The following RORA variants were observed in gnomAD, a reference collection of about 807,000 sequenced individuals.
RORA encodes nuclear receptor ROR-alpha.
RORA carries 7 observed loss-of-function variants against 69.5 expected under a neutral mutation model. The ratio of observed to expected loss-of-function variants is 0.10; its 90% confidence interval spans 0.06 to 0.19. The LOEUF is 0.19. RORA is among the 10% of genes least tolerant of loss of function. RORA has a pLI of 1.00. For synonymous variants in RORA, 261 were observed against 240.8 expected, an observed-to-expected ratio of 1.08 and a Z score of -0.78; for missense variants, 457 against 663.0, an observed-to-expected ratio of 0.69 and a Z score of 3.41.
intron 1 of RORA, among the ~76,000 whole-genome samples, chr15:60,702,639 GTATTAA>G (rs2071000314): frequency 6.6e-6 from 1 of 152,190 alleles, no homozygotes; most frequent in Non-Finnish European, 1.5e-5. Context: ...TTATAAGCCA[GTATTAA>G]TATTAATGTT....
At chr15:61,069,372 G>A (rs1265527286) in intron 1 of RORA, among the ~76,000 whole-genome samples, 1 of 152,126 alleles carries the variant, frequency 6.6e-6, no homozygotes, top group Non-Finnish European at 1.5e-5. Flanking sequence ...TAATAAACAG[G>A]GAGCTATGCC....
chr15:60,821,626 T>C (rs2072894994), intron 1 of RORA, among the ~76,000 whole-genome samples: 1 of 152,220 alleles, frequency 6.6e-6, no homozygotes, highest in Admixed American at 6.5e-5. Context: ...AGCTCTATGA[T>C]GCCAAGGACT....
chr15:61,033,003 G>C (rs1047376956), intron 1 of RORA, among the ~76,000 whole-genome samples: 1 of 152,182 alleles, frequency 6.6e-6, no homozygotes, highest in African/African-American at 2.4e-5. Context: ...AAACAACTCT[G>C]CGAGGTAGGC....
chr15:60,819,743 CCAGACA>C lies in RORA; in HGVS notation c.167-141063_167-141058del, dbSNP rs1479785583. Among the ~76,000 whole-genome samples the C allele has an allele frequency of 1.8e-3, 138 of 74,812 alleles. 1 individual carries two copies. Among genetic ancestry groups the C allele is most frequent in the African/African-American group, 9.5e-3 (134 of 14,176 alleles). 49.1% of individuals were successfully genotyped at this position (74,812 alleles called of 152,430 possible). On this transcript the variant is annotated intron_variant, in intron 1 of 10. Coordinates refer to ENST00000335670, the MANE Select transcript of RORA (RefSeq NM_134261.3). Reference sequence around the variant, plus strand: ...TATCACTCCTGGACTGAAGTCAAACCCAGACACACACACACACACACACACACACAC... The same window carrying C: ...TATCACTCCTGGACTGAAGTCAAACCCACACACACACACACACACACACAC...
intron 2 of RORA, among the ~76,000 whole-genome samples, chr15:60,564,392 C>G (rs1156313508): frequency 3.9e-5 from 6 of 152,094 alleles, no homozygotes; most frequent in Non-Finnish European, 8.8e-5. Context: ...ACATAATGCT[C>G]TTTACATTTG....
At chr15:61,011,366 C>T (rs997146493) in intron 1 of RORA, among the ~76,000 whole-genome samples, 3 of 152,136 alleles carry the variant, frequency 2.0e-5, no homozygotes, top group African/African-American at 7.2e-5. Context: ...TGGGAAGGAA[C>T]TCTAATAATG....
At chr15:61,030,395 G>A (rs1896098787) in intron 1 of RORA, among the ~76,000 whole-genome samples, 1 of 152,210 alleles carries the variant, frequency 6.6e-6, no homozygotes, top group Non-Finnish European at 1.5e-5. Flanking sequence ...ATTGGGGCAT[G>A]AGGTTGGCAA....
intron 2 of RORA, among the ~76,000 whole-genome samples, chr15:60,639,701 G>A (rs1039963825): frequency 6.6e-6 from 1 of 152,206 alleles, no homozygotes; most frequent in Non-Finnish European, 1.5e-5. Flanking sequence ...AGCACCTCAG[G>A]AGGGGAGGCG....
At chr15:60,698,402 A>G (rs943937221) in intron 1 of RORA, among the ~76,000 whole-genome samples, 13 of 152,210 alleles carry the variant, frequency 8.5e-5, no homozygotes, top group African/African-American at 3.1e-4. Flanking sequence ...AAGCACTCCA[A>G]TATCTTTCTT....
intron 2 of RORA, among the ~76,000 whole-genome samples, chr15:60,545,561 A>G (rs1020545989): frequency 2.6e-5 from 4 of 152,178 alleles, no homozygotes; most frequent in East Asian, 1.9e-4. Flanking sequence ...AGAAATATCA[A>G]TCCATTTTAG....
At chr15:60,692,870 T>C (rs1216332470) in intron 1 of RORA, among the ~76,000 whole-genome samples, 1 of 152,170 alleles carries the variant, frequency 6.6e-6, no homozygotes, top group Non-Finnish European at 1.5e-5. Flanking sequence ...CTACCAGAGC[T>C]ACAAAGAGGA....
chr15:60,842,558 G>A (rs1031298234), intron 1 of RORA, among the ~76,000 whole-genome samples: 11 of 152,198 alleles, frequency 7.2e-5, no homozygotes, highest in Non-Finnish European at 1.3e-4. Flanking sequence ...AGATGAAGCA[G>A]CTTCAGAAGG....
chr15:61,078,968 GTCCATA>G (rs2078496316), intron 1 of RORA, among the ~76,000 whole-genome samples: 1 of 152,126 alleles, frequency 6.6e-6, no homozygotes, highest in South Asian at 2.1e-4. Context: ...AAAACCCAGA[GTCCATA>G]TGAATGAATA....
chr15:60,493,643 G>C lies in RORA; in HGVS notation c.*3812C>G, dbSNP rs2065092626. 6.6e-6 allele frequency: 1 copy of C among 150,582 alleles called. No individual in the cohort carries two copies. Among genetic ancestry groups the C allele is most frequent in the Non-Finnish European group, 1.5e-5 (1 of 67,420 alleles). 9.3% of individuals were successfully genotyped at this position (150,582 alleles called of 1,614,324 possible). ...CCATCAAGAAAATAATACAAAGTTT[G>C]TTTGTTTGTATTTTTTTTTTTAGAA... On this transcript the variant is annotated 3_prime_UTR_variant, in exon 11 of 11. Transcript: ENST00000335670.
At chr15:61,062,839 A>G (rs1296560237) in intron 1 of RORA, among the ~76,000 whole-genome samples, 2 of 152,164 alleles carry the variant, frequency 1.3e-5, no homozygotes, top group Non-Finnish European at 2.9e-5. Context: ...GTTCAGGGAC[A>G]TGCTCCCCAG....
At chr15:61,138,270 CTAAT>C (rs778779836) in intron 1 of RORA, among the ~76,000 whole-genome samples, 38 of 151,858 alleles carry the variant, frequency 2.5e-4, no homozygotes, top group Middle Eastern at 3.4e-3. Context: ...GTTTTTTTCT[CTAAT>C]TATCTATGAG....
intron 1 of RORA, among the ~76,000 whole-genome samples, chr15:60,925,802 C>T (rs1892200560): frequency 6.6e-6 from 1 of 152,186 alleles, no homozygotes; most frequent in African/African-American, 2.4e-5. Context: ...TTGTGTTCTG[C>T]TGGTACTCAG....
At chr15:61,209,009 T>G (rs1485070988) in intron 1 of RORA, among the ~76,000 whole-genome samples, 5 of 152,198 alleles carry the variant, frequency 3.3e-5, no homozygotes, top group Non-Finnish European at 7.3e-5. Context: ...TATTTGTTTT[T>G]AGGTAAAATC....
intron 1 of RORA, among the ~76,000 whole-genome samples, chr15:60,953,778 A>G (rs1158969105): frequency 1.3e-5 from 2 of 151,942 alleles, no homozygotes; most frequent in African/African-American, 4.8e-5. Context: ...CGATCATTAA[A>G]AAGTCAGGAA....
Sources: allele counts gnomAD v4.1 joint callset (sites outside exome capture counted in the v4.1 genomes callset), GRCh38; gene constraint gnomAD v4.1.1; transcripts MANE v1.5; gene names NCBI Gene and HGNC (gene_info 2026-07-23, HGNC 2026-07-21).